SORBS3: variants seen among roughly 807,000 people sequenced by gnomAD.
SORBS3 encodes the protein sorbin and SH3 domain containing 3.
SORBS3 carries 69 observed loss-of-function variants against 98.0 expected under a neutral mutation model. The observed-to-expected ratio is 0.70, with a 90% CI of 0.58 to 0.86. The LOEUF (loss-of-function observed/expected upper bound fraction) is 0.86. SORBS3 is among the 40% of genes least tolerant of loss of function. The pLI, the probability that SORBS3 is intolerant of heterozygous loss-of-function variation, is 0.00. For missense variants in SORBS3, 954 were observed against 908.5 expected (o/e 1.05, Z -0.64); for synonymous variants, 394 against 355.4 (o/e 1.11, Z -1.22).
At position 22,569,257 on chromosome 8, in the gene SORBS3, A is replaced by G; in HGVS notation, c.1415A>G (p.Glu472Gly). 6.3e-7 allele frequency: 1 copy of G among 1,597,514 alleles called. No individual in the cohort carries two copies. The highest frequency in any genetic ancestry group is 8.5e-7 in the Non-Finnish European group (1 of 1,171,632). ...QYTFKGDLEVELSFRKGEHIC... is the reference protein window; with the variant it reads ...QYTFKGDLEVGLSFRKGEHIC... Reference sequence around the variant, plus strand: ...ACCTTCAAGGGGGACCTGGAGGTGGAGCTGTCCTTCCGCAAGGTGGGCCAG... The same window carrying G: ...ACCTTCAAGGGGGACCTGGAGGTGGGGCTGTCCTTCCGCAAGGTGGGCCAG... Residue 472 changes from glutamate to glycine, a missense_variant, in exon 17 of 21, where the codon GAG (glutamate) becomes GGG (glycine). Coordinates refer to ENST00000240123, the MANE Select transcript of SORBS3 (RefSeq NM_005775.5).
At chr8:22,567,729 T>C (rs1359258777) in intron 16 of SORBS3, among the ~76,000 whole-genome samples, 2 of 152,236 alleles carry the variant, frequency 1.3e-5, no homozygotes, top group Non-Finnish European at 2.9e-5. Flanking sequence ...TAGGTTATCT[T>C]TGCTATTTGT....
At chr8:22,546,943 C>T (rs1217040436), upstream of SORBS3, among the ~76,000 whole-genome samples, 2 of 152,020 alleles carry the variant, frequency 1.3e-5, no homozygotes, top group African/African-American at 4.8e-5. Context: ...TGAGGGGACT[C>T]TACAGGTTAT....
intron 5 of SORBS3, among the ~76,000 whole-genome samples, chr8:22,560,540 G>T (rs549852646): frequency 6.6e-6 from 1 of 152,312 alleles, no homozygotes; most frequent in South Asian, 2.1e-4. Context: ...GTGACCAGTG[G>T]TGACAAATGC....
chr8:22,557,649 A>T (rs561879104), intron 4 of SORBS3, among the ~76,000 whole-genome samples: 163 of 152,272 alleles, frequency 1.1e-3, no homozygotes, highest in South Asian at 4.1e-3. Context: ...CTATAAAAAA[A>T]AAAATAAAAT....
upstream of SORBS3, chr8:22,551,641 C>G (rs1030200281): frequency 1.3e-5 from 10 of 773,730 alleles, no homozygotes; most frequent in Non-Finnish European, 1.6e-5. The surrounding 1 kb of genome is among the most constrained non-coding windows in gnomAD (Gnocchi z 5.8). Flanking sequence ...CGGCCCCTCC[C>G]GGCGCCGCCT....
Position 22,561,910 on chromosome 8 carries a change from GC to G in SORBS3, c.566del (p.Pro189ArgfsTer45). ...CAGCAAAGACCTGCCCACAGGCCCGGCCCGGCAACATCTTCCAGTGGGTGAG... is the reference window on the plus strand; with the variant it reads ...CAGCAAAGACCTGCCCACAGGCCCGGCCGGCAACATCTTCCAGTGGGTGAG... ...GAQQRPAHRP[G>X]PATSSSGRSW... is the part of the protein sequence containing the mutation. On this transcript the variant is annotated frameshift_variant, in exon 7 of 21. Transcript: ENST00000240123. LOFTEE classifies it high-confidence loss of function. The G allele has an allele frequency of 1.2e-6, 2 of 1,614,166 alleles. No homozygotes were observed. Among genetic ancestry groups the G allele is most frequent in the Non-Finnish European group, 1.7e-6 (2 of 1,180,014 alleles).
chr8:22,548,148 T>C (rs1490239894), upstream of SORBS3, among the ~76,000 whole-genome samples: 1 of 152,188 alleles, frequency 6.6e-6, no homozygotes, highest in South Asian at 2.1e-4. Context: ...CTACCAGAAA[T>C]CTTGAATTCC....
At chr8:22,549,313 G>A (rs150189859), upstream of SORBS3, among the ~76,000 whole-genome samples, 216 of 152,260 alleles carry the variant, frequency 1.4e-3, 3 homozygotes, top group African/African-American at 4.9e-3. Context: ...ACAGCCAGCC[G>A]GCCAGCCGCC....
chr8:22,565,384 C>T (rs1220656171), intron 11 of SORBS3, 30 bp downstream of exon 11: 1 of 1,509,884 alleles, frequency 6.6e-7, no homozygotes, highest in Non-Finnish European at 8.9e-7. Context: ...ACCCGCGGGG[C>T]ACGCCGGCGA....
chr8:22,572,857 GA>G (rs533105813), intron 20 of SORBS3, among the ~76,000 whole-genome samples: 38 of 152,222 alleles, frequency 2.5e-4, no homozygotes, highest in Non-Finnish European at 4.9e-4. Context: ...AGGGAATGGA[GA>G]AAGGTCCCAG....
Position 22,556,901 on chromosome 8 carries a change from C to G in SORBS3, c.407C>G (p.Pro136Arg). 6.2e-7 allele frequency: 1 copy of G among 1,612,692 alleles called. No homozygotes were observed. The highest frequency in any genetic ancestry group is 8.5e-7 in the Non-Finnish European group (1 of 1,180,022). ...PVDESGMPIA[P>R]RSSVDRPRDW... ...GACGAGAGCGGCATGCCCATTGCCC[C>G]CCGATCCGTGAGTCCAGGGCTGGGG... Residue 136 changes from proline (P) to arginine (R), a missense_variant, in exon 4 of 21, where the codon CCC becomes CGC. Coordinates refer to ENST00000240123, the MANE Select transcript of SORBS3 (RefSeq NM_005775.5).
chr8:22,573,345 C>G (rs1322348044), intron 20 of SORBS3: 1 of 455,664 alleles, frequency 2.2e-6, no homozygotes, highest in Admixed American at 2.4e-5. Context: ...CCTATGCAGA[C>G]AAGAAGAAAA....
chr8:22,551,613 C>T, upstream of SORBS3: 1 of 431,838 alleles, frequency 2.3e-6, no homozygotes, highest in Non-Finnish European at 3.1e-6. This position sits in a 1 kb window ranked among gnomAD's most constrained non-coding sequence, Gnocchi z 5.8. Flanking sequence ...CCAGAGAGGG[C>T]TCCCCGGGGA....
chr8:22,574,590 C>A, intron 20 of SORBS3, 77 bp from the exon 21 acceptor site: 2 of 1,442,208 alleles, frequency 1.4e-6, no homozygotes, highest in Non-Finnish European at 1.9e-6. Context: ...GCACTGCCGG[C>A]AGGGGGCAGG....
chr8:22,555,667 A>G (rs1027420760), intron 3 of SORBS3, among the ~76,000 whole-genome samples: 1 of 152,162 alleles, frequency 6.6e-6, no homozygotes, highest in Non-Finnish European at 1.5e-5. Context: ...CCTGGCCAAC[A>G]TGGTGAAACC....
intron 3 of SORBS3, among the ~76,000 whole-genome samples, chr8:22,555,519 A>G (rs932801661): frequency 1.3e-5 from 2 of 152,230 alleles, no homozygotes; most frequent in African/African-American, 4.8e-5. Context: ...TTCATTTAAC[A>G]ATTATCCAGC....
rs1840497961 is a variant in SORBS3, at chr8:22,569,054, G to A, written c.1306-94G>A. The A allele has an allele frequency of 4.5e-6, 6 of 1,326,760 alleles. No homozygotes were observed. In the Admixed American group the frequency reaches 8.0e-5, roughly 18 times the overall value. The allele number at this position is 1,326,760 out of a possible 1,614,324, so 82.2% of individuals were successfully genotyped here. A position where few individuals can be genotyped will look rare whatever the true frequency, so the allele number is the denominator to read the frequency against. On this transcript the variant is annotated intron_variant, in intron 16 of 20. Transcript: ENST00000240123. ...TTATATCTTTTCTCTGCCTAGGGGC[G>A]GGCCCACCTTCTCTTTGCTGTCTCA...
At chr8:22,566,128 C>T (rs1840411918) in intron 12 of SORBS3, 2 of 634,300 alleles carry the variant, frequency 3.2e-6, no homozygotes, top group African/African-American at 1.9e-5. Context: ...GGCGGCCCCG[C>T]CACGGCCCAG....
At chr8:22,567,848 CT>C (rs35668704) in intron 16 of SORBS3, among the ~76,000 whole-genome samples, 125 of 142,462 alleles carry the variant, frequency 8.8e-4, no homozygotes, top group Non-Finnish European at 9.0e-4. Context: ...TCTTCTCTTT[CT>C]TTTTTTTTTT....
Sources: allele counts gnomAD v4.1 joint callset (sites outside exome capture counted in the v4.1 genomes callset), GRCh38; gene constraint gnomAD v4.1.1; non-coding constraint Gnocchi (gnomAD v3.1); transcripts MANE v1.5; gene names NCBI Gene and HGNC (gene_info 2026-07-23, HGNC 2026-07-21).